The following PIP4K2B variants were observed in gnomAD, a reference collection of about 807,000 sequenced individuals.
PIP4K2B encodes phosphatidylinositol 5-phosphate 4-kinase type-2 beta.
Under a neutral mutation model 42.0 loss-of-function variants are expected in PIP4K2B, and 3 were observed. That is an observed-to-expected ratio of 0.07 (90% confidence interval 0.03 to 0.18). The LOEUF is 0.18. Ranked by LOEUF, PIP4K2B falls within the 10% of genes least tolerant of loss-of-function variation. The probability of loss-of-function intolerance (pLI) is 1.00; values close to 1 mark genes in which losing one functional copy is unlikely to be tolerated. For synonymous variants in PIP4K2B, 204 were observed against 210.1 expected (o/e 0.97, Z 0.25); for missense variants, 332 against 562.3 (o/e 0.59, Z 4.14).
intron 5 of PIP4K2B, among the ~76,000 whole-genome samples, chr17:38,778,749 AG>A (rs1397619977): frequency 1.3e-4 from 20 of 152,122 alleles, no homozygotes; most frequent in Non-Finnish European, 1.0e-4. Flanking sequence ...CGGCCTGGGG[AG>A]GGACAGTGGC....
chr17:38,772,491 T>C (rs1260978549), intron 7 of PIP4K2B, among the ~76,000 whole-genome samples: 1 of 152,214 alleles, frequency 6.6e-6, no homozygotes, highest in Non-Finnish European at 1.5e-5. Context: ...ATCACAGTGC[T>C]TGTATTCAAG....
Position 38,791,406 on chromosome 17 carries a change from A to ATTTTTTTTTTTTTT in PIP4K2B, c.160-4500_160-4487dup, listed in dbSNP as rs58027566. Among the ~76,000 whole-genome samples, 31 of 91,154 alleles carry ATTTTTTTTTTTTTT rather than the reference A, an allele frequency of 3.4e-4. 2 individuals are homozygous for ATTTTTTTTTTTTTT. The highest frequency in any genetic ancestry group is 8.9e-4 in the African/African-American group (18 of 20,134). The allele number at this position is 91,154 out of a possible 152,430, so 59.8% of individuals were successfully genotyped here. On this transcript the variant is annotated intron_variant, in intron 1 of 9. Transcript: ENST00000619039. ...TTTCCTAATCTGGCTCAGACTGCCA[A>ATTTTTTTTTTTTTT]TTTTTTTTTTTTTTTTTTTTTTTTT... is the stretch of plus-strand genomic sequence containing the variant.
In PIP4K2B at chr17:38,765,735, T is replaced by C. The variant is rs757407358; in HGVS notation, c.*3956A>G. 1.3e-5 allele frequency: 2 copies of C among 152,468 alleles called. No individual in the cohort carries two copies. Among genetic ancestry groups the C allele is most frequent in the Admixed American group, 6.5e-5 (1 of 15,268 alleles). 9.4% of individuals were successfully genotyped at this position (152,468 alleles called of 1,614,324 possible). The stretch of plus-strand genomic sequence containing the variant: ...TTTATTTTTTTCCTCAGGTTGGAGA[T>C]TCATCGTAACATGCATGCATTTTCA... On this transcript the variant is annotated 3_prime_UTR_variant, in exon 10 of 10. Transcript: ENST00000619039.
chr17:38,798,291 G>C (rs1910757083), intron 1 of PIP4K2B, among the ~76,000 whole-genome samples: 1 of 152,184 alleles, frequency 6.6e-6, no homozygotes, highest in Admixed American at 6.5e-5. Flanking sequence ...CTAGTGTGGG[G>C]ATTCATAAAG....
chr17:38,789,730 T>C (rs981550933), intron 1 of PIP4K2B, among the ~76,000 whole-genome samples: 3 of 152,202 alleles, frequency 2.0e-5, no homozygotes, highest in African/African-American at 7.2e-5. Context: ...AAACCCAATT[T>C]ACTCATGGAG....
chr17:38,769,945 A>C (rs1908914755), intron 9 of PIP4K2B, among the ~76,000 whole-genome samples, 174 bp from the exon 10 acceptor site: 2 of 152,104 alleles, frequency 1.3e-5, no homozygotes, highest in Middle Eastern at 3.4e-3. Flanking sequence ...CAAGTCCTGA[A>C]CTGTCCTGGC....
At chr17:38,798,828 A>G (rs548191935) in intron 1 of PIP4K2B, among the ~76,000 whole-genome samples, 92 of 152,310 alleles carry the variant, frequency 6.0e-4, no homozygotes, top group Middle Eastern at 3.4e-3. Flanking sequence ...AACGATCAGA[A>G]AGAGAGGACT....
intron 9 of PIP4K2B, 41 bp downstream of exon 9, chr17:38,770,395 C>T: frequency 7.8e-7 from 1 of 1,284,024 alleles, no homozygotes; most frequent in East Asian, 2.3e-5. Flanking sequence ...CACAGATGCA[C>T]CGACCCAGCT....
intron 1 of PIP4K2B, among the ~76,000 whole-genome samples, chr17:38,791,005 A>G (rs983742320): frequency 5.3e-5 from 8 of 152,154 alleles, no homozygotes; most frequent in African/African-American, 1.4e-4. Context: ...TGGGAGGAGG[A>G]GAACACAAGG....
chr17:38,790,145 A>G (rs1431185748), intron 1 of PIP4K2B, among the ~76,000 whole-genome samples: 4 of 152,182 alleles, frequency 2.6e-5, no homozygotes, highest in African/African-American at 9.7e-5. Context: ...CCCAGCATCA[A>G]GCTCTGTGAT....
At position 38,767,341 on chromosome 17, in the gene PIP4K2B, T is replaced by G. The variant is rs1297620253; in HGVS notation, c.*2350A>C. On this transcript the variant is annotated 3_prime_UTR_variant, in exon 10 of 10. Transcript: ENST00000619039. ...TTTTAAACATTTGAATGCCAAAAAT[T>G]GGGGGCCAAACTCAAGGTTTTGAAG... The G allele has an allele frequency of 6.6e-6, 1 of 151,832 alleles. No individual in the cohort carries two copies. The highest frequency in any genetic ancestry group is 2.1e-4 in the South Asian group (1 of 4,806). 9.4% of individuals were successfully genotyped at this position (151,832 alleles called of 1,614,324 possible). A position where few individuals can be genotyped will look rare whatever the true frequency, so the allele number is the denominator to read the frequency against.
At chr17:38,777,462 TCTAAA>T (rs1909425847) in intron 7 of PIP4K2B, among the ~76,000 whole-genome samples, 3 of 152,142 alleles carry the variant, frequency 2.0e-5, no homozygotes. Flanking sequence ...GGAAAAGCAT[TCTAAA>T]CTAAATTACA....
rs3744070 is a variant in PIP4K2B, at chr17:38,768,086, G to A, written c.*1605C>T. 0.13 allele frequency: 19,730 copies of A among 152,296 alleles called. 1,519 individuals carry two copies. The highest frequency in any genetic ancestry group is 0.38 in the East Asian group (1,985 of 5,184). The allele number at this position is 152,296 out of a possible 1,614,324, so 9.4% of individuals were successfully genotyped here. A position where few individuals can be genotyped will look rare whatever the true frequency, so the allele number is the denominator to read the frequency against. On this transcript the variant is annotated 3_prime_UTR_variant, in exon 10 of 10. Coordinates refer to ENST00000619039, the MANE Select transcript of PIP4K2B (RefSeq NM_003559.5). ...GAAGCTGGGCTTGGCCAGGTTTGGA[G>A]GGAGCCACAGGAAACCAATCTATTC...
rs529087781 is a variant in PIP4K2B, at chr17:38,770,024, G to A, written c.1171-253C>T. On this transcript the variant is annotated intron_variant, in intron 9 of 9. Transcript: ENST00000619039. Reference sequence around the variant, plus strand: ...AGAAAGGCAGTGGGGAGGTGGCAACGCGGCTCTGGATCTCTGTGGGGGCCA... The same window carrying A: ...AGAAAGGCAGTGGGGAGGTGGCAACACGGCTCTGGATCTCTGTGGGGGCCA... Among the ~76,000 whole-genome samples the A allele has an allele frequency of 2.3e-4, 35 of 152,292 alleles. No individual in the cohort carries two copies. The East Asian group carries it at 4.8e-3, about 21-fold the overall frequency.
At chr17:38,785,136 AC>A (rs1909936807) in intron 2 of PIP4K2B, among the ~76,000 whole-genome samples, 1 of 151,660 alleles carries the variant, frequency 6.6e-6, no homozygotes, top group African/African-American at 2.4e-5. Context: ...CCACCCTCCC[AC>A]TCCCTCATCA....
At chr17:38,789,752 G>A (rs990292411) in intron 1 of PIP4K2B, among the ~76,000 whole-genome samples, 1 of 152,206 alleles carries the variant, frequency 6.6e-6, no homozygotes, top group African/African-American at 2.4e-5. Context: ...AATGAAGGAA[G>A]CCATAGGAAT....
In PIP4K2B at chr17:38,799,451, AAG is replaced by A. The variant is rs1567666320; in HGVS notation, c.-29_-28del. The A allele has an allele frequency of 6.5e-7, 1 of 1,547,600 alleles. No homozygotes were observed. Among genetic ancestry groups the A allele is most frequent in the Admixed American group, 2.0e-5 (1 of 49,650 alleles). On this transcript the variant is annotated 5_prime_UTR_variant, in exon 1 of 10. Transcript: ENST00000619039. The surrounding 1 kb of genome is among the most constrained non-coding windows in gnomAD (Gnocchi z 4.4). ...CCCGGGGCGGCGGCGGCGGCGGCGA[AAG>A]AGGGGGGCGGCGGAGACAGCGCACA...
intron 2 of PIP4K2B, among the ~76,000 whole-genome samples, chr17:38,785,894 T>C (rs1192344249): frequency 6.6e-6 from 1 of 152,184 alleles, no homozygotes; most frequent in African/African-American, 2.4e-5. Flanking sequence ...TTCTTTCTTC[T>C]GGGTCAGAAC....
chr17:38,788,113 G>A (rs1910135202), intron 1 of PIP4K2B, among the ~76,000 whole-genome samples: 1 of 151,998 alleles, frequency 6.6e-6, no homozygotes. Flanking sequence ...ATTAGCTCAA[G>A]GAAGAAAAAA....
Sources: gnomAD v4.1 joint callset for allele counts (sites outside exome capture counted in the v4.1 genomes callset) on GRCh38, gnomAD v4.1.1 for gene constraint, Gnocchi (gnomAD v3.1) non-coding constraint, MANE v1.5 for transcripts, NCBI Gene and HGNC (gene_info 2026-07-23, HGNC 2026-07-21) for gene names.